The following NSMCE2 variants were observed in gnomAD, a reference collection of about 807,000 sequenced individuals.
NSMCE2 encodes the protein E3 SUMO-protein ligase NSE2.
NSMCE2 carries 24 observed loss-of-function variants against 23.8 expected under a neutral mutation model. That is an observed-to-expected ratio of 1.01 (90% CI 0.73 to 1.42). NSMCE2 has a LOEUF of 1.42. Among genes scored for constraint, NSMCE2 ranks in the 40% most tolerant of loss-of-function variants. The probability of loss-of-function intolerance (pLI) is 0.00; values close to 1 mark genes in which losing one functional copy is unlikely to be tolerated. For missense variants in NSMCE2, 284 were observed against 296.5 expected, an observed-to-expected ratio of 0.96 and a Z score of 0.31; for synonymous variants, 92 against 94.1, an observed-to-expected ratio of 0.98 and a Z score of 0.13.
intron 5 of NSMCE2, among the ~76,000 whole-genome samples, chr8:125,350,792 T>C (rs1812999697): frequency 6.6e-6 from 1 of 152,136 alleles, no homozygotes; most frequent in African/African-American, 2.4e-5. Context: ...TATGTGGGAA[T>C]TCAAGATGAG....
At chr8:125,164,554 G>C (rs7839468) in intron 4 of NSMCE2, among the ~76,000 whole-genome samples, 4,747 of 152,186 alleles carry the variant, frequency 0.031, 246 homozygotes, top group African/African-American at 0.11. Flanking sequence ...CTGATGTGGC[G>C]TGTGTTAGAG....
At chr8:125,191,528 C>T (rs909358087) in intron 5 of NSMCE2, among the ~76,000 whole-genome samples, 16 of 152,124 alleles carry the variant, frequency 1.1e-4, no homozygotes, top group African/African-American at 3.9e-4. Context: ...CTTCATCTAG[C>T]TGAGAGAGAA....
intron 1 of NSMCE2, among the ~76,000 whole-genome samples, chr8:125,092,437 CA>C (rs1179849359): frequency 6.6e-6 from 1 of 152,106 alleles, no homozygotes; most frequent in African/African-American, 2.4e-5. Context: ...GCTTTATATG[CA>C]ATAGAATATG....
chr8:125,177,005 C>T (rs1354785501), intron 4 of NSMCE2, among the ~76,000 whole-genome samples: 1 of 152,234 alleles, frequency 6.6e-6, no homozygotes, highest in Non-Finnish European at 1.5e-5. Flanking sequence ...TGGTTGCAGA[C>T]TTCTCTATTT....
intron 1 of NSMCE2, among the ~76,000 whole-genome samples, chr8:125,093,470 C>T (rs1012849664): frequency 6.6e-6 from 1 of 152,158 alleles, no homozygotes; most frequent in Non-Finnish European, 1.5e-5. Flanking sequence ...GGGCGGATCA[C>T]TTGAGGTCGG....
intron 5 of NSMCE2, among the ~76,000 whole-genome samples, chr8:125,356,904 G>A (rs1422814683): frequency 2.0e-5 from 3 of 152,196 alleles, no homozygotes; most frequent in Non-Finnish European, 4.4e-5. Flanking sequence ...CTAGCCCAGC[G>A]TCTCACCACT....
chr8:125,274,251 A>C (rs556394192), intron 5 of NSMCE2, among the ~76,000 whole-genome samples: 2 of 152,280 alleles, frequency 1.3e-5, no homozygotes, highest in African/African-American at 4.8e-5. Context: ...AGAAAATGAA[A>C]CAAAAAAAAA....
At chr8:125,233,946 G>A (rs1825433991) in intron 5 of NSMCE2, among the ~76,000 whole-genome samples, 1 of 151,048 alleles carries the variant, frequency 6.6e-6, no homozygotes, top group African/African-American at 2.4e-5. Flanking sequence ...GGAGGCTGAG[G>A]CAGGCGGATC....
intron 5 of NSMCE2, among the ~76,000 whole-genome samples, chr8:125,224,428 T>C (rs1382294202): frequency 6.6e-6 from 1 of 152,204 alleles, no homozygotes; most frequent in Non-Finnish European, 1.5e-5. Context: ...AGTTTTACAG[T>C]TTCAGGTCTT....
At chr8:125,097,869 A>G (rs1314472675) in intron 1 of NSMCE2, among the ~76,000 whole-genome samples, 1 of 152,176 alleles carries the variant, frequency 6.6e-6, no homozygotes, top group Admixed American at 6.5e-5. Flanking sequence ...ATATTGTAGA[A>G]AGCTTTGGAT....
chr8:125,149,325 T>G (rs1820862694), intron 3 of NSMCE2, among the ~76,000 whole-genome samples: 1 of 152,168 alleles, frequency 6.6e-6, no homozygotes, highest in Admixed American at 6.5e-5. Flanking sequence ...ATTATAAAAT[T>G]AAAGCATATG....
chr8:125,338,503 C>G (rs187021615), intron 5 of NSMCE2, among the ~76,000 whole-genome samples: 2 of 152,288 alleles, frequency 1.3e-5, no homozygotes, highest in African/African-American at 4.8e-5. Flanking sequence ...TCTATTGCAT[C>G]AAAATTCCCA....
At chr8:125,176,061 G>A (rs1167222860) in intron 4 of NSMCE2, among the ~76,000 whole-genome samples, 1 of 152,138 alleles carries the variant, frequency 6.6e-6, no homozygotes, top group Non-Finnish European at 1.5e-5. Context: ...CAGGGGTGTT[G>A]GGTTCTAATT....
At chr8:125,195,876 T>C (rs995442954) in intron 5 of NSMCE2, among the ~76,000 whole-genome samples, 3 of 146,734 alleles carry the variant, frequency 2.0e-5, no homozygotes, top group Non-Finnish European at 4.5e-5. Context: ...TTTTCCTGAA[T>C]AACTTTTTTT....
chr8:125,196,496 T>TC (rs1267511092), intron 5 of NSMCE2, among the ~76,000 whole-genome samples: 1 of 152,176 alleles, frequency 6.6e-6, no homozygotes, highest in African/African-American at 2.4e-5. Context: ...AATGATGGTT[T>TC]CCAGCTTCAT....
intron 5 of NSMCE2, among the ~76,000 whole-genome samples, chr8:125,314,414 C>G (rs1829095016): frequency 6.6e-6 from 1 of 152,178 alleles, no homozygotes; most frequent in African/African-American, 2.4e-5. Flanking sequence ...CTCAGCCTCC[C>G]AAGTAGCTGG....
Position 125,310,320 on chromosome 8 carries a change from AG to A in NSMCE2, c.419-46898del, listed in dbSNP as rs1191012149. 2.0e-5 allele frequency among the ~76,000 whole-genome samples: 3 copies of A among 152,166 alleles called. No homozygotes were observed. The South Asian group carries it at 6.2e-4, about 32-fold the overall frequency. ...AGTTATTTAACCTTTTTTGCTCCTC[AG>A]TTTTTTTTAATCCCTGAAATGGGGA... is the stretch of plus-strand genomic sequence containing the variant. On this transcript the variant is annotated intron_variant, in intron 5 of 7. Transcript: ENST00000287437.
At position 125,220,867 on chromosome 8, in the gene NSMCE2, G is replaced by A. The variant is rs564235324; in HGVS notation, c.418+38611G>A. On this transcript the variant is annotated intron_variant, in intron 5 of 7. Coordinates refer to ENST00000287437, the MANE Select transcript of NSMCE2 (RefSeq NM_173685.4). ...AAAACTAACATTTGGAATTTGAGTTGCTGCCAAGTCTTGTGTGTAATATAT... is the reference window on the plus strand; with the variant it reads ...AAAACTAACATTTGGAATTTGAGTTACTGCCAAGTCTTGTGTGTAATATAT... Among the ~76,000 whole-genome samples, 19 of 152,298 alleles carry A rather than the reference G, an allele frequency of 1.2e-4. No homozygotes were observed. The South Asian group carries it at 3.9e-3, about 32-fold the overall frequency.
Position 125,125,885 on chromosome 8 carries a change from G to C in NSMCE2, c.157+23398G>C, listed in dbSNP as rs566392802. Among the ~76,000 whole-genome samples the C allele has an allele frequency of 1.6e-4, 24 of 152,286 alleles. No homozygotes were observed. The South Asian group carries it at 5.0e-3, about 32-fold the overall frequency. On this transcript the variant is annotated intron_variant, in intron 3 of 7. Coordinates refer to ENST00000287437, the MANE Select transcript of NSMCE2 (RefSeq NM_173685.4). The stretch of plus-strand genomic sequence containing the variant: ...CCTACATTGGTGAGGAAGGGCCCAG[G>C]GTGATACTGTGGAGGGTTTGTGTCA...
Sources: gnomAD v4.1 joint callset for allele counts (sites outside exome capture counted in the v4.1 genomes callset) on GRCh38, gnomAD v4.1.1 for gene constraint, MANE v1.5 for transcripts, NCBI Gene and HGNC (gene_info 2026-07-23, HGNC 2026-07-21) for gene names.